Variants in OMA1 observed in about 807,000 individuals in gnomAD.
The protein encoded by OMA1 is metalloendopeptidase OMA1, mitochondrial.
Under a neutral mutation model 30.9 loss-of-function variants are expected in OMA1, and 38 were observed. The observed-to-expected ratio is 1.23, with a 90% CI of 0.95 to 1.61. OMA1 has a LOEUF of 1.61. Ranked by LOEUF, OMA1 falls within the 40% of genes most tolerant of loss-of-function variation. OMA1 has a pLI of 0.00. For synonymous variants in OMA1, 173 were observed against 121.9 expected, an observed-to-expected ratio of 1.42 and a Z score of -2.76; for missense variants, 461 against 349.2, an observed-to-expected ratio of 1.32 and a Z score of -2.55.
chr1:58,490,700 G>A (rs1306823984), intron 8 of OMA1, among the ~76,000 whole-genome samples: 6 of 151,834 alleles, frequency 4.0e-5, no homozygotes, highest in African/African-American at 4.8e-5. Flanking sequence ...GAGAAAGGTC[G>A]GGTTACCCAC....
chr1:58,508,706 G>T (rs904682081), intron 7 of OMA1, among the ~76,000 whole-genome samples: 1 of 151,864 alleles, frequency 6.6e-6, no homozygotes, highest in African/African-American at 2.4e-5. Flanking sequence ...AATCTAAAAC[G>T]CCCTAGATAT....
chr1:58,539,188 C>T lies in OMA1; in HGVS notation c.107G>A (p.Arg36Gln), dbSNP rs746657014. The change falls in exon 2 of 9, where the codon CGG (arginine) becomes CAG (glutamine). Residue 36 changes from arginine (R) to glutamine (Q), a missense_variant. Transcript: ENST00000371226. ...GTTAACTTGTACTTGATGACAGCCCCGTGAGGTGGATGCTAATGTGTTACA... is the reference window on the plus strand; with the variant it reads ...GTTAACTTGTACTTGATGACAGCCCTGTGAGGTGGATGCTAATGTGTTACA... ...RKCNTLASTSRGCHQVQVNHI... is the reference protein window; with the variant it reads ...RKCNTLASTSQGCHQVQVNHI... The T allele has an allele frequency of 2.3e-6, 2 of 872,874 alleles. No homozygotes were observed. Among genetic ancestry groups the T allele is most frequent in the Non-Finnish European group, 2.0e-6 (1 of 501,664 alleles). The allele number at this position is 872,874 out of a possible 1,614,324, so 54.1% of individuals were successfully genotyped here.
chr1:58,500,107 TC>T (rs1645882141), intron 8 of OMA1, among the ~76,000 whole-genome samples: 1 of 152,164 alleles, frequency 6.6e-6, no homozygotes, highest in African/African-American at 2.4e-5. Flanking sequence ...ATCATTACTT[TC>T]CCCTTTCCCC....
chr1:58,546,258 C>T (rs1320089578), intron 1 of OMA1, among the ~76,000 whole-genome samples: 1 of 152,232 alleles, frequency 6.6e-6, no homozygotes, highest in Non-Finnish European at 1.5e-5. Flanking sequence ...GACGAATGCC[C>T]GACGCGCCGG....
At chr1:58,532,569 C>T (rs960924955) in intron 5 of OMA1, among the ~76,000 whole-genome samples, 10 of 152,058 alleles carry the variant, frequency 6.6e-5, no homozygotes, top group African/African-American at 2.2e-4. Flanking sequence ...ACTCTGTCAC[C>T]CAGGCTAGAG....
chr1:58,519,497 A>C (rs563883799), intron 7 of OMA1, among the ~76,000 whole-genome samples: 1 of 152,296 alleles, frequency 6.6e-6, no homozygotes, highest in East Asian at 1.9e-4. Context: ...CAGCCTATGC[A>C]AACTCACCTC....
rs145615055 is a variant in OMA1, at chr1:58,527,298, G to A, written c.1178C>T (p.Ala393Val). ...FNRPYSRKLEAEADKIGLLLA... is the reference protein window; with the variant it reads ...FNRPYSRKLEVEADKIGLLLA... ...CAGTAGTCCAATTTTGTCAGCTTCG[G>A]CCTCCAATTTTCTGCTGTATGGTCT... is the stretch of plus-strand genomic sequence containing the variant. Residue 393 changes from alanine (A) to valine (V), a missense_variant, in exon 7 of 9, where the codon GCC becomes GTC. By Grantham distance (64) the Ala-to-Val change is moderately conservative. Transcript: ENST00000371226. The A allele has an allele frequency of 5.2e-5, 45 of 872,100 alleles. No individual in the cohort carries two copies. The highest frequency in any genetic ancestry group is 2.5e-4 in the Admixed American group (15 of 59,146). 54.0% of individuals were successfully genotyped at this position (872,100 alleles called of 1,614,324 possible).
intron 1 of OMA1, among the ~76,000 whole-genome samples, chr1:58,545,054 C>T (rs1646679425): frequency 6.6e-6 from 1 of 152,148 alleles, no homozygotes; most frequent in Non-Finnish European, 1.5e-5. Context: ...TTTTCCATGG[C>T]TTCCACAAAC....
At chr1:58,510,210 A>T (rs1323329990) in intron 7 of OMA1, among the ~76,000 whole-genome samples, 1 of 152,148 alleles carries the variant, frequency 6.6e-6, no homozygotes, top group Non-Finnish European at 1.5e-5. Flanking sequence ...TCCCTGATGA[A>T]CATAAATACA....
chr1:58,530,629 C>A lies in OMA1; in HGVS notation c.1112G>T (p.Cys371Phe), dbSNP rs775812966. ...ICPRDSLALL[C>F]QWIQSKLQEY... ...CTGCAATTTAGACTGTATCCACTGG[C>A]ACAAAAGTGCCAAGCTATCTCGAGG... Residue 371 changes from cysteine to phenylalanine, a missense_variant, in exon 6 of 9, where the codon TGC becomes TTC. By Grantham distance (205) the Cys-to-Phe change is radical. Coordinates refer to ENST00000371226, the MANE Select transcript of OMA1 (RefSeq NM_145243.5). 5 of 872,692 alleles carry A rather than the reference C, an allele frequency of 5.7e-6. No individual in the cohort carries two copies. The highest frequency in any genetic ancestry group is 1.0e-5 in the Non-Finnish European group (5 of 501,552). The allele number at this position is 872,692 out of a possible 1,614,324, so 54.1% of individuals were successfully genotyped here. A position where few individuals can be genotyped will look rare whatever the true frequency, so the allele number is the denominator to read the frequency against.
intron 1 of OMA1, among the ~76,000 whole-genome samples, chr1:58,543,405 A>C (rs531899173): frequency 6.6e-6 from 1 of 152,338 alleles, no homozygotes; most frequent in Non-Finnish European, 1.5e-5. Flanking sequence ...CAACTTTAGC[A>C]TCCAAAATAT....
intron 7 of OMA1, among the ~76,000 whole-genome samples, chr1:58,510,991 G>A (rs1426028570): frequency 6.6e-6 from 1 of 151,944 alleles, no homozygotes; most frequent in Non-Finnish European, 1.5e-5. Flanking sequence ...CAAATAAATG[G>A]AAAGACATCC....
At chr1:58,496,842 A>G (rs1449918657) in intron 8 of OMA1, among the ~76,000 whole-genome samples, 3 of 152,170 alleles carry the variant, frequency 2.0e-5, no homozygotes, top group Non-Finnish European at 2.9e-5. Context: ...TTCTACATAG[A>G]TTTCTCGTGA....
In OMA1 at chr1:58,485,228, T is replaced by TAA. The variant is rs71043289; in HGVS notation, c.1366-4056_1366-4055dup. Among the ~76,000 whole-genome samples the TAA allele has an allele frequency of 3.8e-3, 158 of 42,028 alleles. 2 individuals carry two copies. Among genetic ancestry groups the TAA allele is most frequent in the South Asian group, 0.011 (8 of 760 alleles). The allele number at this position is 42,028 out of a possible 152,430, so 27.6% of individuals were successfully genotyped here. A position where few individuals can be genotyped will look rare whatever the true frequency, so the allele number is the denominator to read the frequency against. ...GTCTAAAAATAAAAGAGTCTACTAC[T>TAA]AAAAAAAAAAAAAAAAAAAAAAAAA... On this transcript the variant is annotated intron_variant, in intron 8 of 8. Coordinates refer to ENST00000371226, the MANE Select transcript of OMA1 (RefSeq NM_145243.5).
intron 8 of OMA1, among the ~76,000 whole-genome samples, chr1:58,489,336 C>T (rs943454867): frequency 4.6e-5 from 7 of 152,212 alleles, no homozygotes; most frequent in South Asian, 2.1e-4. Flanking sequence ...CACAGAGCCT[C>T]GCTCATTACT....
At position 58,481,175 on chromosome 1, in the gene OMA1, C is replaced by A; in HGVS notation, c.1366-1G>T. 2 of 810,512 alleles carry A rather than the reference C, an allele frequency of 2.5e-6. No individual in the cohort carries two copies. Among genetic ancestry groups the A allele is most frequent in the Non-Finnish European group, 4.2e-6 (2 of 476,484 alleles). 50.2% of individuals were successfully genotyped at this position (810,512 alleles called of 1,614,324 possible). On this transcript the variant is annotated splice_acceptor_variant, in intron 8 of 8. Transcript: ENST00000371226. LOFTEE classifies it high-confidence loss of function. ...TACACATCTCTCTAATTTTGAGAGC[C>A]TATAAAGAAATAATAAAATAAAAAA...
chr1:58,487,994 G>C (rs928062786), intron 8 of OMA1, among the ~76,000 whole-genome samples: 1 of 151,984 alleles, frequency 6.6e-6, no homozygotes, highest in African/African-American at 2.4e-5. Context: ...ATCAACTACT[G>C]TCATTTTGCT....
chr1:58,483,372 G>A (rs1645522109), intron 8 of OMA1, among the ~76,000 whole-genome samples: 1 of 152,190 alleles, frequency 6.6e-6, no homozygotes, highest in Admixed American at 6.5e-5. Context: ...AGAGGGACTT[G>A]TAGTCAGATG....
chr1:58,540,106 C>A (rs1209453069), intron 1 of OMA1, among the ~76,000 whole-genome samples: 1 of 152,098 alleles, frequency 6.6e-6, no homozygotes, highest in Non-Finnish European at 1.5e-5. Context: ...CCTATCCCCT[C>A]CCCACCATTC....
Sources: allele counts gnomAD v4.1 joint callset (sites outside exome capture counted in the v4.1 genomes callset), GRCh38; gene constraint gnomAD v4.1.1; transcripts MANE v1.5; gene names NCBI Gene and HGNC (gene_info 2026-07-23, HGNC 2026-07-21).